The following CBL variants were observed in gnomAD, a reference collection of about 807,000 sequenced individuals.
CBL encodes the protein Cbl proto-oncogene.
Under a neutral mutation model 96.9 loss-of-function variants are expected in CBL, and 45 were observed. That is an observed-to-expected ratio of 0.46 (90% CI 0.37 to 0.60). The LOEUF (loss-of-function observed/expected upper bound fraction) is 0.60, where lower values mean the gene tolerates loss of function less well. Ranked by LOEUF, CBL falls within the 20% of genes least tolerant of loss-of-function variation. CBL has a pLI of 0.00. For synonymous variants in CBL, 420 were observed against 426.8 expected (o/e 0.98, Z 0.20); for missense variants, 1,024 against 1,143.5 (o/e 0.90, Z 1.51).
In CBL at chr11:119,306,403, C is replaced by A. The variant is rs756785662; in HGVS notation, c.*6622C>A. 3.0e-5 allele frequency: 12 copies of A among 398,766 alleles called. No individual in the cohort carries two copies. Among genetic ancestry groups the A allele is most frequent in the Non-Finnish European group, 5.3e-5 (12 of 226,130 alleles). The allele number at this position is 398,766 out of a possible 1,614,324, so 24.7% of individuals were successfully genotyped here. A position where few individuals can be genotyped will look rare whatever the true frequency, so the allele number is the denominator to read the frequency against. On this transcript the variant is annotated 3_prime_UTR_variant, in exon 16 of 16. Coordinates refer to ENST00000264033, the MANE Select transcript of CBL (RefSeq NM_005188.4). ...AATGTCAGGCCCCGCCCCCTCCCCA[C>A]CAACATTGCCTCTCCTACATTCTCC...
intron 1 of CBL, among the ~76,000 whole-genome samples, chr11:119,207,691 A>T (rs920629507): frequency 6.6e-6 from 1 of 152,164 alleles, no homozygotes. Flanking sequence ...TTTTCTTGGT[A>T]TTTTTCATAT....
At chr11:119,208,485 G>A (rs561688287) in intron 1 of CBL, among the ~76,000 whole-genome samples, 2 of 152,052 alleles carry the variant, frequency 1.3e-5, no homozygotes, top group Non-Finnish European at 2.9e-5. Flanking sequence ...CGCCTCCTGG[G>A]TTCAAGACAT....
At chr11:119,260,562 G>A (rs563749151) in intron 2 of CBL, among the ~76,000 whole-genome samples, 26 of 152,106 alleles carry the variant, frequency 1.7e-4, no homozygotes, top group South Asian at 1.2e-3. Context: ...AACAAAATAC[G>A]TAAAGTGCCT....
chr11:119,276,205 C>T (rs1235873258), intron 6 of CBL, 71 bp downstream of exon 6: 4 of 1,464,744 alleles, frequency 2.7e-6, no homozygotes, highest in Non-Finnish European at 3.8e-6. Flanking sequence ...TCATTAATGA[C>T]TTTATTCCAG....
intron 3 of CBL, 144 bp downstream of exon 3, chr11:119,272,025 T>C: frequency 1.3e-6 from 1 of 787,656 alleles, no homozygotes; most frequent in South Asian, 1.7e-5. Flanking sequence ...TTTGGTTAAA[T>C]ATTAAGTTTT....
chr11:119,264,377 C>CTT (rs998474689), intron 2 of CBL, among the ~76,000 whole-genome samples: 1 of 115,432 alleles, frequency 8.7e-6, no homozygotes, highest in Non-Finnish European at 2.0e-5. Context: ...TTATTATGAT[C>CTT]TTTCTTTTCT....
At chr11:119,221,244 GAA>G (rs564217596) in intron 1 of CBL, among the ~76,000 whole-genome samples, 1 of 131,252 alleles carries the variant, frequency 7.6e-6, no homozygotes, top group Non-Finnish European at 1.6e-5. Context: ...CTCCATCTCA[GAA>G]AAAAAAAAAA....
At position 119,300,598 on chromosome 11, in the gene CBL, A is replaced by C; in HGVS notation, c.*817A>C. On this transcript the variant is annotated 3_prime_UTR_variant, in exon 16 of 16. Coordinates refer to ENST00000264033, the MANE Select transcript of CBL (RefSeq NM_005188.4). ...TTGATACTAGCAGCTAACACTGGTC[A>C]CTCCAAAGCACTGTTTCTATAGGAA... The C allele has an allele frequency of 2.5e-6, 1 of 399,024 alleles. No homozygotes were observed. Among genetic ancestry groups the C allele is most frequent in the East Asian group, 3.6e-5 (1 of 28,074 alleles). 24.7% of individuals were successfully genotyped at this position (399,024 alleles called of 1,614,324 possible).
chr11:119,262,967 G>T (rs532151879), intron 2 of CBL, among the ~76,000 whole-genome samples: 17 of 152,300 alleles, frequency 1.1e-4, no homozygotes, highest in African/African-American at 3.8e-4. Context: ...TACTAGCTTT[G>T]TGACCTTGCA....
chr11:119,241,946 A>G (rs929430662), intron 2 of CBL, among the ~76,000 whole-genome samples: 1 of 152,212 alleles, frequency 6.6e-6, no homozygotes, highest in Non-Finnish European at 1.5e-5. Context: ...AACTGGATAG[A>G]TAGTGCAATG....
chr11:119,293,432 A>G (rs973322143), intron 12 of CBL, among the ~76,000 whole-genome samples: 1 of 151,946 alleles, frequency 6.6e-6, no homozygotes, highest in African/African-American at 2.4e-5. Flanking sequence ...TATTGAACAC[A>G]TAAATTATTA....
intron 2 of CBL, among the ~76,000 whole-genome samples, chr11:119,247,403 A>G (rs1949640198): frequency 6.6e-6 from 1 of 152,260 alleles, no homozygotes; most frequent in Non-Finnish European, 1.5e-5. Flanking sequence ...AAAAAGAGCC[A>G]TTTCCATTTG....
chr11:119,240,351 A>C (rs538783118), intron 2 of CBL, among the ~76,000 whole-genome samples: 39 of 152,274 alleles, frequency 2.6e-4, no homozygotes, highest in Admixed American at 2.0e-3. Context: ...TAAAGGCAAG[A>C]ATGCAGGTAA....
At chr11:119,280,007 C>T (rs1031389508) in intron 9 of CBL, among the ~76,000 whole-genome samples, 1 of 152,130 alleles carries the variant, frequency 6.6e-6, no homozygotes, top group African/African-American at 2.4e-5. Flanking sequence ...GTTGGGTACA[C>T]TATAAGTCGG....
intron 2 of CBL, among the ~76,000 whole-genome samples, chr11:119,254,409 C>T (rs1475289871): frequency 1.3e-5 from 2 of 152,046 alleles, no homozygotes; most frequent in African/African-American, 2.4e-5. Context: ...ATAGAGTGTA[C>T]TTACAGAAAC....
At chr11:119,259,935 G>T (rs1949741326) in intron 2 of CBL, among the ~76,000 whole-genome samples, 1 of 152,058 alleles carries the variant, frequency 6.6e-6, no homozygotes, top group Admixed American at 6.6e-5. Flanking sequence ...TTCTCAAAGG[G>T]GGAAACTCAG....
At chr11:119,297,212 T>C (rs926210844) in intron 13 of CBL, among the ~76,000 whole-genome samples, 172 bp from the exon 14 acceptor site, 5 of 152,270 alleles carry the variant, frequency 3.3e-5, no homozygotes, top group African/African-American at 9.6e-5. Flanking sequence ...ATTACACTTA[T>C]GTTTTCTCAG....
chr11:119,237,921 G>C (rs918911226), intron 2 of CBL, among the ~76,000 whole-genome samples: 1 of 152,090 alleles, frequency 6.6e-6, no homozygotes, highest in African/African-American at 2.4e-5. Context: ...ACCCAGGCTG[G>C]AGTGCAGTGG....
At chr11:119,244,419 TA>T (rs1455793835) in intron 2 of CBL, among the ~76,000 whole-genome samples, 4 of 104,940 alleles carry the variant, frequency 3.8e-5, no homozygotes, top group Admixed American at 8.3e-5. Flanking sequence ...TATTTTTAAT[TA>T]ATTTTTTTTT....
Sources: gnomAD v4.1 joint callset for allele counts (sites outside exome capture counted in the v4.1 genomes callset) on GRCh38, gnomAD v4.1.1 for gene constraint, MANE v1.5 for transcripts, NCBI Gene and HGNC (gene_info 2026-07-23, HGNC 2026-07-21) for gene names.